The following RPS6KA2 variants were observed in gnomAD, a reference collection of about 807,000 sequenced individuals.
The protein encoded by RPS6KA2 is ribosomal protein S6 kinase alpha-2.
In RPS6KA2, 42 loss-of-function variants were observed where a neutral mutation model predicts 91.8. The ratio of observed to expected loss-of-function variants is 0.46; its 90% CI spans 0.36 to 0.59. The LOEUF (loss-of-function observed/expected upper bound fraction) is 0.59. RPS6KA2 is among the 20% of genes least tolerant of loss of function. The pLI, the probability that RPS6KA2 is intolerant of heterozygous loss-of-function variation, is 0.00. For missense variants in RPS6KA2, 798 were observed against 978.5 expected, an observed-to-expected ratio of 0.82 and a Z score of 2.46; for synonymous variants, 414 against 393.6, an observed-to-expected ratio of 1.05 and a Z score of -0.61.
At chr6:166,695,550 G>A (rs1010661567) in intron 2 of RPS6KA2, among the ~76,000 whole-genome samples, 6 of 152,206 alleles carry the variant, frequency 3.9e-5, no homozygotes, top group Admixed American at 1.3e-4. Flanking sequence ...GCCTCAGACT[G>A]GTACAGGTCC....
At chr6:166,519,818 T>A (rs1271205398) in intron 3 of RPS6KA2, among the ~76,000 whole-genome samples, 1 of 152,216 alleles carries the variant, frequency 6.6e-6, no homozygotes, top group Admixed American at 6.5e-5. Context: ...TTTTAAATGA[T>A]CTCCACCAAT....
chr6:166,766,299 T>A (rs1216491655), intron 2 of RPS6KA2, among the ~76,000 whole-genome samples: 1 of 152,328 alleles, frequency 6.6e-6, no homozygotes, highest in Non-Finnish European at 1.5e-5. Context: ...TATTTAAAAA[T>A]TTTTTAGGAT....
At chr6:166,498,796 T>C (rs6908214) in intron 7 of RPS6KA2, 146 bp from the exon 8 acceptor site, 100,833 of 1,043,620 alleles carry the variant, frequency 0.097, 9,997 homozygotes, top group African/African-American at 0.48. Flanking sequence ...AGCGGGACCA[T>C]GTGAGTGCTT....
intron 2 of RPS6KA2, among the ~76,000 whole-genome samples, chr6:166,750,211 G>A (rs539649962): frequency 3.3e-5 from 5 of 152,160 alleles, no homozygotes; most frequent in Non-Finnish European, 7.4e-5. Context: ...CAGGATTAGC[G>A]TGCCCTGCAG....
intron 2 of RPS6KA2, among the ~76,000 whole-genome samples, chr6:166,717,729 G>A (rs933717694): frequency 6.6e-6 from 1 of 152,224 alleles, no homozygotes; most frequent in Admixed American, 6.5e-5. Flanking sequence ...ATGCTGAAAT[G>A]ACCCAGAAAT....
At position 166,626,930 on chromosome 6, in the gene RPS6KA2, G is replaced by A; in HGVS notation, c.90C>T (p.Ser30=). ...AGGGCGGCCGCATTACCTCGAGCCG[G>A]CTCAGGCTGGAGCTCTTGGAGCGCG... ...RKSRSKSSSL[S]RLEEEGVVKE... Residue 30 remains serine, a synonymous_variant, in exon 1 of 21, where the codon AGC becomes AGT. Transcript: ENST00000265678. The surrounding 1 kb of genome is among the most constrained non-coding windows in gnomAD (Gnocchi z 4.1). The A allele has an allele frequency of 1.3e-6, 2 of 1,538,082 alleles. No individual in the cohort carries two copies. The highest frequency in any genetic ancestry group is 1.2e-5 in the South Asian group (1 of 82,932).
chr6:166,463,757 C>T (rs536563678), intron 11 of RPS6KA2, among the ~76,000 whole-genome samples: 5 of 152,264 alleles, frequency 3.3e-5, no homozygotes, highest in South Asian at 4.1e-4. Context: ...GCAAAGGGCA[C>T]ATTTATAGAT....
intron 3 of RPS6KA2, among the ~76,000 whole-genome samples, chr6:166,521,854 G>A (rs1424479168): frequency 6.6e-6 from 1 of 152,234 alleles, no homozygotes; most frequent in African/African-American, 2.4e-5. Flanking sequence ...AAATTCATAT[G>A]TTGAAACCTA....
At chr6:166,786,703 A>T (rs941447429) in intron 2 of RPS6KA2, among the ~76,000 whole-genome samples, 5 of 152,192 alleles carry the variant, frequency 3.3e-5, no homozygotes, top group South Asian at 2.1e-4. Flanking sequence ...AAAAATGCTT[A>T]AAAAAATCAT....
At chr6:166,647,679 T>A (rs1425064416) in intron 2 of RPS6KA2, among the ~76,000 whole-genome samples, 2 of 152,198 alleles carry the variant, frequency 1.3e-5, no homozygotes, top group Middle Eastern at 3.2e-3. Context: ...TTTAGCCAAT[T>A]GCCTCTCATC....
At chr6:166,453,710 A>G (rs1189716120) in intron 12 of RPS6KA2, among the ~76,000 whole-genome samples, 1 of 152,254 alleles carries the variant, frequency 6.6e-6, no homozygotes, top group East Asian at 1.9e-4. Context: ...GCATTGCCCA[A>G]AGGAAAAGAA....
At chr6:166,545,295 A>G (rs1246341242) in intron 1 of RPS6KA2, among the ~76,000 whole-genome samples, 2 of 152,208 alleles carry the variant, frequency 1.3e-5, no homozygotes, top group Non-Finnish European at 2.9e-5. Context: ...CCATCCTAGA[A>G]TATCACTTTT....
At chr6:166,467,877 C>T (rs1780601952) in intron 11 of RPS6KA2, among the ~76,000 whole-genome samples, 1 of 152,256 alleles carries the variant, frequency 6.6e-6, no homozygotes, top group African/African-American at 2.4e-5. Flanking sequence ...GTGCCTGAGA[C>T]TGGGACGCCC....
intron 2 of RPS6KA2, among the ~76,000 whole-genome samples, chr6:166,747,197 C>T (rs528058617): frequency 6.6e-6 from 1 of 152,180 alleles, no homozygotes; most frequent in Non-Finnish European, 1.5e-5. Context: ...CCCTCTAATC[C>T]TGCCTGTGGT....
chr6:166,808,882 T>C (rs1779561827), intron 2 of RPS6KA2, among the ~76,000 whole-genome samples: 1 of 152,194 alleles, frequency 6.6e-6, no homozygotes, highest in African/African-American at 2.4e-5. Flanking sequence ...AAAATTTGCT[T>C]GGATGAATAA....
chr6:166,760,257 A>G (rs919509540), intron 2 of RPS6KA2, among the ~76,000 whole-genome samples: 1 of 152,218 alleles, frequency 6.6e-6, no homozygotes, highest in Non-Finnish European at 1.5e-5. Context: ...TGGTGAACAA[A>G]TATTTCCTTA....
chr6:166,702,229 C>A (rs1294483866), intron 2 of RPS6KA2: 4 of 1,611,346 alleles, frequency 2.5e-6, no homozygotes, highest in Non-Finnish European at 2.5e-6. Flanking sequence ...TGGGAACCAG[C>A]AGGCACAGAG....
intron 2 of RPS6KA2, among the ~76,000 whole-genome samples, chr6:166,706,649 C>G (rs1162675194): frequency 6.6e-6 from 1 of 152,226 alleles, no homozygotes; most frequent in African/African-American, 2.4e-5. Context: ...CCCTCCACGA[C>G]TGGATGGGTA....
At chr6:166,743,703 C>T (rs572187317) in intron 2 of RPS6KA2, among the ~76,000 whole-genome samples, 5 of 152,330 alleles carry the variant, frequency 3.3e-5, no homozygotes, top group East Asian at 1.9e-4. Flanking sequence ...ATGCATCCTG[C>T]GAGAGGGATT....
Sources: gnomAD v4.1 joint callset for allele counts (sites outside exome capture counted in the v4.1 genomes callset) on GRCh38, gnomAD v4.1.1 for gene constraint, Gnocchi (gnomAD v3.1) non-coding constraint, MANE v1.5 for transcripts, NCBI Gene and HGNC (gene_info 2026-07-23, HGNC 2026-07-21) for gene names.